The following SLK variants were observed in gnomAD, a reference collection of about 807,000 sequenced individuals.
The protein encoded by SLK is STE20-like serine/threonine-protein kinase.
A neutral mutation model predicts 147.7 loss-of-function variants in SLK; 67 were observed. That is an observed-to-expected ratio of 0.45 (90% CI 0.37 to 0.56). The LOEUF (loss-of-function observed/expected upper bound fraction) is 0.56, where lower values mean the gene tolerates loss of function less well. SLK is among the 20% of genes least tolerant of loss of function. The pLI, the probability that SLK is intolerant of heterozygous loss-of-function variation, is 0.00. For missense variants in SLK, 1,136 were observed against 1,438.8 expected (o/e 0.79, Z 3.41); for synonymous variants, 441 against 475.0 (o/e 0.93, Z 0.93).
At chr10:103,994,657 T>G (rs899723383) in intron 4 of SLK, among the ~76,000 whole-genome samples, 2 of 152,190 alleles carry the variant, frequency 1.3e-5, no homozygotes, top group Non-Finnish European at 2.9e-5. Flanking sequence ...GATATAACAC[T>G]GTATCTATGG....
chr10:103,974,826 A>ATTTT lies in SLK; in HGVS notation c.150+6952_150+6955dup, dbSNP rs749565693. 6.0e-3 allele frequency: 334 copies of ATTTT among 55,486 alleles called. 44 individuals are homozygous for ATTTT. Among genetic ancestry groups the ATTTT allele is most frequent in the Middle Eastern group, 0.05 (3 of 60 alleles). 3.4% of individuals were successfully genotyped at this position (55,486 alleles called of 1,614,324 possible). On this transcript the variant is annotated intron_variant, in intron 1 of 18. Coordinates refer to ENST00000369755, the MANE Select transcript of SLK (RefSeq NM_014720.4). ...CTACCACGCCCGGCTAATTTTTTCT[A>ATTTT]TTTTTTTTTTTTTTTTTTTTTTTTA...
In SLK at chr10:104,028,729, A is replaced by G. The variant is rs1009212820; in HGVS notation, c.*3009A>G. The G allele has an allele frequency of 5.9e-5, 9 of 152,184 alleles. No homozygotes were observed. Among genetic ancestry groups the G allele is most frequent in the African/African-American group, 2.2e-4 (9 of 41,440 alleles). 9.4% of individuals were successfully genotyped at this position (152,184 alleles called of 1,614,324 possible). ...GTACTCTTCTAGTTTCCTTGTAACT[A>G]TACACTTTTTCCCATTCCACACTGT... is the stretch of plus-strand genomic sequence containing the variant. On this transcript the variant is annotated 3_prime_UTR_variant, in exon 19 of 19. Coordinates refer to ENST00000369755, the MANE Select transcript of SLK (RefSeq NM_014720.4).
intron 14 of SLK, 31 bp from the exon 15 acceptor site, chr10:104,018,737 TAGTAAAAAAAGAGCAA>T (rs1439583366): frequency 6.3e-7 from 1 of 1,576,440 alleles, no homozygotes; most frequent in African/African-American, 1.4e-5. Flanking sequence ...CAAAGTACAT[TAGTAAAAAAAGAGCAA>T]AGTGACATTT....
At chr10:103,973,579 CCT>C (rs755890352) in intron 1 of SLK, among the ~76,000 whole-genome samples, 4 of 152,104 alleles carry the variant, frequency 2.6e-5, no homozygotes, top group African/African-American at 4.8e-5. Flanking sequence ...GAAAAATTAA[CCT>C]CTCTTTGATA....
chr10:103,992,915 G>A, intron 3 of SLK, 69 bp from the exon 4 acceptor site: 1 of 1,102,100 alleles, frequency 9.1e-7, no homozygotes, highest in East Asian at 2.4e-5. Context: ...TATACAGAAA[G>A]GTATATAGCC....
intron 13 of SLK, among the ~76,000 whole-genome samples, chr10:104,012,231 AAAGAT>A (rs1844409814): frequency 6.6e-6 from 1 of 152,196 alleles, no homozygotes; most frequent in South Asian, 2.1e-4. Flanking sequence ...TTTGCTAAGT[AAAGAT>A]ATTTTAAAAC....
At chr10:104,020,740 G>GT in intron 17 of SLK, 127 bp downstream of exon 17, 1 of 978,636 alleles carries the variant, frequency 1.0e-6, no homozygotes, top group Non-Finnish European at 1.5e-6. Context: ...GAGAGGTTCT[G>GT]TTTTTTGTAC....
chr10:103,989,464 C>CTTTTTTTTTTTTTT lies in SLK; in HGVS notation c.151-1203_151-1190dup, dbSNP rs68033075. 1.3e-4 allele frequency among the ~76,000 whole-genome samples: 10 copies of CTTTTTTTTTTTTTT among 78,620 alleles called. 1 individual carries two copies. The highest frequency in any genetic ancestry group is 4.1e-4 in the African/African-American group (8 of 19,296). 51.6% of individuals were successfully genotyped at this position (78,620 alleles called of 152,430 possible). ...ATTTTGGAAGACAGTGTGGCAGTTT[C>CTTTTTTTTTTTTTT]TTTTTTTTTTTTTTTTTTTTTGGAG... On this transcript the variant is annotated intron_variant, in intron 1 of 18. Coordinates refer to ENST00000369755, the MANE Select transcript of SLK (RefSeq NM_014720.4).
At chr10:104,020,020 C>A in intron 16 of SLK, 98 bp downstream of exon 16, 1 of 922,746 alleles carries the variant, frequency 1.1e-6, no homozygotes, top group Non-Finnish European at 1.7e-6. Context: ...CAATTAGAGC[C>A]ACCTTAGGCT....
chr10:103,985,498 A>AC (rs1405505550), intron 1 of SLK, among the ~76,000 whole-genome samples: 1 of 152,190 alleles, frequency 6.6e-6, no homozygotes, highest in Non-Finnish European at 1.5e-5. Context: ...GGGGAAGAAT[A>AC]CCTCAGCCTT....
At chr10:104,012,470 C>G (rs948937184) in intron 13 of SLK, among the ~76,000 whole-genome samples, 4 of 152,074 alleles carry the variant, frequency 2.6e-5, no homozygotes, top group Non-Finnish European at 5.9e-5. Context: ...GCAGCATTTA[C>G]TATATGTCAG....
chr10:104,001,551 G>A lies in SLK; in HGVS notation c.972G>A (p.Glu324=). The A allele has an allele frequency of 1.2e-6, 2 of 1,613,694 alleles. No homozygotes were observed. Among genetic ancestry groups the A allele is most frequent in the Non-Finnish European group, 1.7e-6 (2 of 1,179,678 alleles). The change falls in exon 8 of 19, where the codon GAG becomes GAA. Residue 324 remains glutamate (E), a synonymous_variant. Transcript: ENST00000369755. The stretch of plus-strand genomic sequence containing the variant: ...AAGATGGCAAAGAGGAAGATGAAGA[G>A]GAGGAAACAGAAAATTCTCTGGTCA... The part of the protein sequence containing the change: ...EVEDGKEEDE[E]EETENSLPIP...
At chr10:103,979,657 G>A (rs1343139765) in intron 1 of SLK, among the ~76,000 whole-genome samples, 1 of 151,932 alleles carries the variant, frequency 6.6e-6, no homozygotes, top group South Asian at 2.1e-4. Flanking sequence ...ATGTTTATTG[G>A]CCATTTGGAT....
chr10:104,018,442 T>G (rs141593612), intron 14 of SLK, among the ~76,000 whole-genome samples, 153 bp downstream of exon 14: 10 of 152,324 alleles, frequency 6.6e-5, no homozygotes, highest in African/African-American at 2.4e-4. Flanking sequence ...TGCCTTATAG[T>G]TGTTAGTATA....
At position 104,001,305 on chromosome 10, in the gene SLK, A is replaced by G; in HGVS notation, c.865-139A>G. 4.7e-6 allele frequency: 3 copies of G among 643,322 alleles called. No individual in the cohort carries two copies. The South Asian group carries it at 6.5e-5, about 14-fold the overall frequency. 39.9% of individuals were successfully genotyped at this position (643,322 alleles called of 1,614,324 possible). On this transcript the variant is annotated intron_variant, in intron 7 of 18. Coordinates refer to ENST00000369755, the MANE Select transcript of SLK (RefSeq NM_014720.4). Reference sequence around the variant, plus strand: ...TCTCCCCTCTTTCTTTCTCAGATGTAGCATTATCTGAAGTTTTCTGTCATT... The same window carrying G: ...TCTCCCCTCTTTCTTTCTCAGATGTGGCATTATCTGAAGTTTTCTGTCATT...
chr10:103,984,180 T>C (rs17116210), intron 1 of SLK, among the ~76,000 whole-genome samples: 5,082 of 152,298 alleles, frequency 0.033, 144 homozygotes, highest in South Asian at 0.11. Context: ...CCTCTTCTAA[T>C]AGCACGATGG....
intron 7 of SLK, among the ~76,000 whole-genome samples, chr10:104,001,118 A>C (rs1170863462): frequency 6.6e-6 from 1 of 151,098 alleles, no homozygotes; most frequent in Non-Finnish European, 1.5e-5. Flanking sequence ...ATTTGCTTTA[A>C]ATTTCAATTA....
intron 2 of SLK, among the ~76,000 whole-genome samples, chr10:103,991,577 C>G (rs1844094278): frequency 6.6e-6 from 1 of 151,942 alleles, no homozygotes; most frequent in Non-Finnish European, 1.5e-5. Flanking sequence ...AGTGCTGCCA[C>G]TTACGGAACT....
intron 1 of SLK, among the ~76,000 whole-genome samples, chr10:103,976,580 C>T (rs1213163027): frequency 6.7e-6 from 1 of 148,392 alleles, no homozygotes; most frequent in African/African-American, 2.5e-5. Flanking sequence ...GTTATTTGCC[C>T]AATTAAAAAA....
Sources: gnomAD v4.1 joint callset for allele counts (sites outside exome capture counted in the v4.1 genomes callset) on GRCh38, gnomAD v4.1.1 for gene constraint, MANE v1.5 for transcripts, NCBI Gene and HGNC (gene_info 2026-07-23, HGNC 2026-07-21) for gene names.